GNAQ: variants seen among roughly 807,000 people sequenced by gnomAD.
The protein encoded by GNAQ is guanine nucleotide-binding protein G(q) subunit alpha.
A neutral mutation model predicts 43.9 loss-of-function variants in GNAQ; 8 were observed. That is an observed-to-expected ratio of 0.18 (90% CI 0.11 to 0.33). GNAQ has a LOEUF of 0.33. Ranked by LOEUF, GNAQ falls within the 10% of genes least tolerant of loss-of-function variation. The pLI is 1.00. For missense variants in GNAQ, 158 were observed against 450.8 expected, an observed-to-expected ratio of 0.35 and a Z score of 5.88; for synonymous variants, 155 against 170.7, an observed-to-expected ratio of 0.91 and a Z score of 0.71.
At chr9:77,769,599 C>G (rs929182891) in intron 5 of GNAQ, among the ~76,000 whole-genome samples, 3 of 151,046 alleles carry the variant, frequency 2.0e-5, no homozygotes, top group Non-Finnish European at 4.4e-5. Context: ...GAAAAGAAAA[C>G]GAATGCAGAC....
chr9:77,911,439 A>G (rs954621835), intron 2 of GNAQ, among the ~76,000 whole-genome samples: 1 of 152,130 alleles, frequency 6.6e-6, no homozygotes, highest in Non-Finnish European at 1.5e-5. Flanking sequence ...GCTGCTTCCC[A>G]TTATCTGCAT....
At chr9:77,862,201 CTT>C (rs1827866193) in intron 2 of GNAQ, among the ~76,000 whole-genome samples, 1 of 151,898 alleles carries the variant, frequency 6.6e-6, no homozygotes, top group Non-Finnish European at 1.5e-5. Flanking sequence ...TGGAGGATCT[CTT>C]GTCACTCCAC....
chr9:77,907,228 C>T (rs1344779258), intron 2 of GNAQ, among the ~76,000 whole-genome samples: 1 of 152,064 alleles, frequency 6.6e-6, no homozygotes, highest in Non-Finnish European at 1.5e-5. Flanking sequence ...TTGTGCATTT[C>T]ATTATCCCAA....
At position 78,006,534 on chromosome 9, in the gene GNAQ, G is replaced by A. The variant is rs762648547; in HGVS notation, c.136+24566C>T. Among the ~76,000 whole-genome samples the A allele has an allele frequency of 7.4e-4, 112 of 152,262 alleles. No individual in the cohort carries two copies. In the Middle Eastern group the frequency reaches 0.017, roughly 23 times the overall value. On this transcript the variant is annotated intron_variant, in intron 1 of 6. Coordinates refer to ENST00000286548, the MANE Select transcript of GNAQ (RefSeq NM_002072.5). ...TACTACCAAAAAAAATAAATTATCT[G>A]CAATCCCAGGACTAAAACCTTTCCA...
intron 2 of GNAQ, among the ~76,000 whole-genome samples, chr9:77,897,041 C>A (rs1828515713): frequency 1.3e-5 from 2 of 152,178 alleles, no homozygotes; most frequent in Non-Finnish European, 2.9e-5. Flanking sequence ...ACACTTAAGT[C>A]CCATTTGAGA....
chr9:77,796,064 C>T (rs1056052438), intron 4 of GNAQ, among the ~76,000 whole-genome samples: 8 of 152,160 alleles, frequency 5.3e-5, no homozygotes, highest in African/African-American at 1.9e-4. Flanking sequence ...TTTCTAAATA[C>T]CATAGACTTA....
chr9:77,973,500 A>C (rs1381067397), intron 1 of GNAQ, among the ~76,000 whole-genome samples: 2 of 152,124 alleles, frequency 1.3e-5, no homozygotes, highest in Non-Finnish European at 2.9e-5. Context: ...GATTCAAGTC[A>C]ATTCTTTGAG....
At chr9:77,773,902 C>T (rs1348938397) in intron 5 of GNAQ, among the ~76,000 whole-genome samples, 1 of 152,022 alleles carries the variant, frequency 6.6e-6, no homozygotes, top group African/African-American at 2.4e-5. Flanking sequence ...GGTGTCCCAA[C>T]CAAAGTGATA....
intron 5 of GNAQ, among the ~76,000 whole-genome samples, chr9:77,756,421 T>C (rs1825904697): frequency 6.6e-6 from 1 of 152,236 alleles, no homozygotes; most frequent in African/African-American, 2.4e-5. Context: ...CCAGATGTGT[T>C]TCTCCTTTGT....
intron 5 of GNAQ, among the ~76,000 whole-genome samples, chr9:77,763,310 A>T (rs1826084287): frequency 6.6e-6 from 1 of 152,102 alleles, no homozygotes; most frequent in Non-Finnish European, 1.5e-5. Context: ...TTCCACAACT[A>T]TTATATGTTG....
chr9:77,798,159 G>A (rs1397138944), intron 3 of GNAQ, among the ~76,000 whole-genome samples: 1 of 152,136 alleles, frequency 6.6e-6, no homozygotes, highest in African/African-American at 2.4e-5. Flanking sequence ...TCTGTCCAGA[G>A]CCTAAGTCAT....
intron 2 of GNAQ, among the ~76,000 whole-genome samples, chr9:77,904,904 A>C (rs575305681): frequency 6.6e-6 from 1 of 152,338 alleles, no homozygotes; most frequent in Admixed American, 6.5e-5. Flanking sequence ...ACACAGAGGA[A>C]GAAAATACAA....
chr9:77,819,022 A>C (rs893322126), intron 2 of GNAQ, among the ~76,000 whole-genome samples: 4 of 150,436 alleles, frequency 2.7e-5, no homozygotes, highest in Admixed American at 6.6e-5. Context: ...AAAAAAAAAA[A>C]AAAAAAACAC....
chr9:77,950,598 G>T (rs907117352), intron 1 of GNAQ, among the ~76,000 whole-genome samples: 1 of 152,198 alleles, frequency 6.6e-6, no homozygotes, highest in African/African-American at 2.4e-5. Context: ...TTATCTCTAG[G>T]GAGGAAATGG....
At chr9:77,868,337 G>C (rs1016830301) in intron 2 of GNAQ, among the ~76,000 whole-genome samples, 19 of 152,162 alleles carry the variant, frequency 1.2e-4, no homozygotes, top group African/African-American at 3.6e-4. Context: ...AACCTTTGTT[G>C]AAACAGACCA....
At chr9:77,872,884 G>C (rs140536430) in intron 2 of GNAQ, among the ~76,000 whole-genome samples, 1 of 152,088 alleles carries the variant, frequency 6.6e-6, no homozygotes, top group Non-Finnish European at 1.5e-5. Context: ...ACTCTCCCTC[G>C]GTAAGGACCA....
intron 1 of GNAQ, among the ~76,000 whole-genome samples, chr9:77,948,831 C>T (rs536747183): frequency 2.0e-5 from 3 of 152,262 alleles, no homozygotes; most frequent in Non-Finnish European, 2.9e-5. Flanking sequence ...CAGACAAACA[C>T]CTGACCAAGA....
chr9:77,906,327 G>A (rs1039547689), intron 2 of GNAQ, among the ~76,000 whole-genome samples: 2 of 152,096 alleles, frequency 1.3e-5, no homozygotes, highest in Non-Finnish European at 2.9e-5. Flanking sequence ...AGATTGGAAA[G>A]ACCTAAAACA....
chr9:77,753,686 G>T (rs550824309), intron 5 of GNAQ, among the ~76,000 whole-genome samples: 1 of 152,102 alleles, frequency 6.6e-6, no homozygotes, highest in Non-Finnish European at 1.5e-5. Context: ...ACATTCCTCC[G>T]TTTTCCCTAG....
Sources: gnomAD v4.1 joint callset for allele counts (sites outside exome capture counted in the v4.1 genomes callset) on GRCh38, gnomAD v4.1.1 for gene constraint, MANE v1.5 for transcripts, NCBI Gene and HGNC (gene_info 2026-07-23, HGNC 2026-07-21) for gene names.